CD300LF: variants seen among roughly 807,000 people sequenced by gnomAD.
The protein encoded by CD300LF is CMRF35-like molecule 1.
In CD300LF, 27 loss-of-function variants were observed where a neutral mutation model predicts 32.2. The observed-to-expected ratio is 0.84, with a 90% CI of 0.62 to 1.15. The LOEUF is 1.15. Ranked by LOEUF, CD300LF falls within the 50% of genes most tolerant of loss-of-function variation. CD300LF has a pLI of 0.00. For synonymous variants in CD300LF, 139 were observed against 143.2 expected (o/e 0.97, Z 0.21); for missense variants, 348 against 356.8 (o/e 0.98, Z 0.20).
At chr17:74,698,238 G>A in intron 4 of CD300LF, 131 bp downstream of exon 4, 1 of 700,546 alleles carries the variant, frequency 1.4e-6, no homozygotes, top group East Asian at 2.8e-5. Context: ...GGCACTGCCA[G>A]CTGCTGAGGG....
chr17:74,696,475 C>T (rs1432419932), intron 4 of CD300LF, among the ~76,000 whole-genome samples: 2 of 152,230 alleles, frequency 1.3e-5, no homozygotes, highest in Admixed American at 1.3e-4. Context: ...GAACTGTGCA[C>T]TCAGCTGATC....
intron 1 of CD300LF, among the ~76,000 whole-genome samples, chr17:74,706,721 G>C (rs577489119): frequency 1.3e-5 from 2 of 152,136 alleles, no homozygotes; most frequent in African/African-American, 4.8e-5. Flanking sequence ...AACAACCAAC[G>C]GCGCGGACAG....
intron 6 of CD300LF, 81 bp from the exon 7 acceptor site, chr17:74,695,332 A>T (rs899953212): frequency 4.6e-6 from 7 of 1,538,088 alleles, no homozygotes; most frequent in African/African-American, 1.4e-5. Context: ...GGAGGAGGAT[A>T]GTGGGGATGG....
intron 1 of CD300LF, among the ~76,000 whole-genome samples, chr17:74,712,306 C>G (rs778999007): frequency 6.6e-6 from 1 of 152,200 alleles, no homozygotes; most frequent in Non-Finnish European, 1.5e-5. Context: ...CCCTGCCAGT[C>G]TTATCTCCTC....
Position 74,695,737 on chromosome 17 carries a change from T to G in CD300LF, c.705A>C (p.Glu235Asp). Reference sequence around the variant, plus strand: ...ATGGAGGACGCACCATGGTGACATATTCCACTTCCACCTGGTCAACCTGGG... The same window carrying G: ...ATGGAGGACGCACCATGGTGACATAGTCCACTTCCACCTGGTCAACCTGGG... ...SSAQVDQVEV[E>D]YVTMASLPKE... The change falls in exon 6 of 7, where the codon GAA becomes GAC. Residue 235 changes from glutamate (E) to aspartate (D), a missense_variant. Physicochemically the swap from Glu to Asp is conservative, Grantham distance 45. Transcript: ENST00000326165. 6.2e-7 allele frequency: 1 copy of G among 1,614,060 alleles called. No homozygotes were observed.
chr17:74,707,335 G>A (rs373905991), intron 1 of CD300LF, among the ~76,000 whole-genome samples: 2 of 152,324 alleles, frequency 1.3e-5, no homozygotes, highest in East Asian at 1.9e-4. Flanking sequence ...AATCTGACCA[G>A]ATATTTCTCA....
intron 3 of CD300LF, among the ~76,000 whole-genome samples, chr17:74,699,529 C>T (rs977897996): frequency 6.6e-6 from 1 of 152,072 alleles, no homozygotes; most frequent in African/African-American, 2.4e-5. Context: ...GGAAGAAGAC[C>T]ATGAGACGAC....
intron 1 of CD300LF, 83 bp from the exon 2 acceptor site, chr17:74,704,899 T>C (rs1598258105): frequency 9.2e-7 from 1 of 1,091,354 alleles, no homozygotes; most frequent in East Asian, 2.4e-5. Flanking sequence ...AGCTCCCAAA[T>C]CCAAGTTTCA....
At chr17:74,698,238 G>T in intron 4 of CD300LF, 131 bp downstream of exon 4, 1 of 700,542 alleles carries the variant, frequency 1.4e-6, no homozygotes, top group Non-Finnish European at 2.4e-6. Context: ...GGCACTGCCA[G>T]CTGCTGAGGG....
chr17:74,708,583 G>A (rs1027639515), intron 1 of CD300LF, among the ~76,000 whole-genome samples: 1 of 152,160 alleles, frequency 6.6e-6, no homozygotes, highest in Non-Finnish European at 1.5e-5. Context: ...CACCAAGTTG[G>A]GTTTATGCCA....
intron 2 of CD300LF, among the ~76,000 whole-genome samples, chr17:74,703,626 GC>G (rs1239293244): frequency 6.6e-6 from 1 of 152,202 alleles, no homozygotes; most frequent in African/African-American, 2.4e-5. Context: ...TGATGGGGAT[GC>G]CCCCTTCTCA....
At chr17:74,700,164 TAAATAAAC>T (rs202081471) in intron 3 of CD300LF, among the ~76,000 whole-genome samples, 8,673 of 149,462 alleles carry the variant, frequency 0.058, 304 homozygotes, top group East Asian at 0.14. Context: ...AATAAATAAA[TAAATAAAC>T]AAACAAACAA....
intron 3 of CD300LF, among the ~76,000 whole-genome samples, chr17:74,702,007 C>A (rs1444835873): frequency 1.3e-5 from 2 of 150,644 alleles, no homozygotes; most frequent in African/African-American, 4.9e-5. Context: ...AGCTACAGAG[C>A]AAGACTGTCT....
At chr17:74,698,692 C>G (rs1598217616) in intron 3 of CD300LF, 1 of 1,248,072 alleles carries the variant, frequency 8.0e-7, no homozygotes, top group Admixed American at 3.0e-5. Flanking sequence ...ACAAGAGACA[C>G]CAGGGCCTAC....
chr17:74,705,171 A>C (rs762828068), intron 1 of CD300LF: 4 of 694,626 alleles, frequency 5.8e-6, no homozygotes, highest in Non-Finnish European at 1.1e-5. Flanking sequence ...GTGGGGAGGA[A>C]ATACCAGGAG....
rs2032404742 is a variant in CD300LF, at chr17:74,695,809, C to T, written c.633G>A (p.Gln211=). ...CCTTTTGCGGGGAGGTTCCGGCCAG[C>T]TGCAGGGTCAGGTCTGCATAGCAGA... The part of the protein sequence containing the change: ...GDLCYADLTL[Q]LAGTSPQKAT... The change falls in exon 6 of 7, where the codon CAG becomes CAA. Residue 211 remains glutamine (Q), a synonymous_variant. Coordinates refer to ENST00000326165, the MANE Select transcript of CD300LF (RefSeq NM_139018.5). 1.2e-6 allele frequency: 2 copies of T among 1,614,172 alleles called. No individual in the cohort carries two copies. Among genetic ancestry groups the T allele is most frequent in the Middle Eastern group, 1.7e-4 (1 of 6,060 alleles).
intron 1 of CD300LF, among the ~76,000 whole-genome samples, chr17:74,708,638 T>C (rs888945944): frequency 3.3e-5 from 5 of 152,184 alleles, no homozygotes; most frequent in Admixed American, 6.5e-5. Flanking sequence ...ATAAGGAGGC[T>C]GGACGCGGTG....
chr17:74,712,124 C>G (rs2034009038), intron 1 of CD300LF, among the ~76,000 whole-genome samples: 1 of 151,964 alleles, frequency 6.6e-6, no homozygotes, highest in African/African-American at 2.4e-5. Flanking sequence ...GTTACCCAAG[C>G]TGGTCTCGAA....
At chr17:74,706,279 A>AT (rs1320595606) in intron 1 of CD300LF, among the ~76,000 whole-genome samples, 78 of 149,356 alleles carry the variant, frequency 5.2e-4, no homozygotes, top group African/African-American at 1.5e-3. Flanking sequence ...AAAGGAAAAA[A>AT]AAAATATATA....
Sources: gnomAD v4.1 joint callset for allele counts (sites outside exome capture counted in the v4.1 genomes callset) on GRCh38, gnomAD v4.1.1 for gene constraint, MANE v1.5 for transcripts, NCBI Gene and HGNC (gene_info 2026-07-23, HGNC 2026-07-21) for gene names.